Variants in PIK3AP1 observed in about 807,000 individuals in gnomAD.
PIK3AP1 encodes phosphoinositide-3-kinase adaptor protein 1, also known as phosphoinositide 3-kinase adapter protein 1.
Under a neutral mutation model 88.1 loss-of-function variants are expected in PIK3AP1, and 21 were observed. That is an observed-to-expected ratio of 0.24 (90% confidence interval 0.17 to 0.34). The LOEUF is 0.34. Among genes scored for constraint, PIK3AP1 ranks in the 10% least tolerant of loss-of-function variants. The pLI is 1.00. For missense variants in PIK3AP1, 828 were observed against 1,035.7 expected (o/e 0.80, Z 2.75); for synonymous variants, 398 against 400.0 (o/e 1.00, Z 0.06).
chr10:96,609,569 G>T, intron 14 of PIK3AP1, 143 bp downstream of exon 14: 2 of 849,286 alleles, frequency 2.4e-6, no homozygotes, highest in Non-Finnish European at 1.8e-6. Context: ...ACAGTAACTC[G>T]GCCCCACCTT....
chr10:96,658,195 C>T (rs753229342), intron 2 of PIK3AP1, among the ~76,000 whole-genome samples: 12 of 152,054 alleles, frequency 7.9e-5, no homozygotes, highest in East Asian at 3.8e-4. Context: ...TGAGGGAACC[C>T]GAGGACGAAT....
intron 3 of PIK3AP1, among the ~76,000 whole-genome samples, chr10:96,656,569 G>C (rs1843617634): frequency 6.6e-6 from 1 of 152,174 alleles, no homozygotes; most frequent in African/African-American, 2.4e-5. Flanking sequence ...CCATAGAACA[G>C]AAGTCTTAGA....
In PIK3AP1 at chr10:96,604,344, A is replaced by ATTT. The variant is rs66487275; in HGVS notation, c.2171-298_2171-296dup. Among the ~76,000 whole-genome samples, 243 of 77,120 alleles carry ATTT rather than the reference A, an allele frequency of 3.2e-3. 11 individuals carry two copies. Among genetic ancestry groups the ATTT allele is most frequent in the African/African-American group, 9.8e-3 (194 of 19,804 alleles). The allele number at this position is 77,120 out of a possible 152,430, so 50.6% of individuals were successfully genotyped here. A position where few individuals can be genotyped will look rare whatever the true frequency, so the allele number is the denominator to read the frequency against. On this transcript the variant is annotated intron_variant, in intron 14 of 16. Coordinates refer to ENST00000339364, the MANE Select transcript of PIK3AP1 (RefSeq NM_152309.3). ...AGGTGTGTGCCACCACACCTAGCCA[A>ATTT]TTTTTTTTTTTTTTTTTTTTTTTTT...
chr10:96,645,730 G>GA, intron 7 of PIK3AP1, 68 bp from the exon 8 acceptor site: 1 of 1,392,030 alleles, frequency 7.2e-7, no homozygotes, highest in South Asian at 1.4e-5. Context: ...CTTGGCCCCC[G>GA]AAGGCACTTG....
chr10:96,640,458 A>G (rs1018186360), intron 8 of PIK3AP1, among the ~76,000 whole-genome samples: 5 of 152,142 alleles, frequency 3.3e-5, no homozygotes, highest in African/African-American at 1.2e-4. Flanking sequence ...AGGTCCAGGG[A>G]CCACCAGGAC....
At chr10:96,628,539 A>G (rs1325355919) in intron 8 of PIK3AP1, 46 bp from the exon 9 acceptor site, 1 of 1,454,238 alleles carries the variant, frequency 6.9e-7, no homozygotes, top group African/African-American at 1.4e-5. Flanking sequence ...TCTCCTCCAC[A>G]GGCAAGGAGA....
chr10:96,658,769 G>A (rs1231176637), intron 2 of PIK3AP1, among the ~76,000 whole-genome samples: 1 of 151,924 alleles, frequency 6.6e-6, no homozygotes, highest in East Asian at 1.9e-4. Flanking sequence ...AATGCTGCCA[G>A]ATCTTTGTCC....
At chr10:96,702,609 T>C (rs1223351054) in intron 2 of PIK3AP1, among the ~76,000 whole-genome samples, 1 of 131,512 alleles carries the variant, frequency 7.6e-6, no homozygotes, top group Non-Finnish European at 1.6e-5. Flanking sequence ...CTTTAAGTGT[T>C]CTCACCACAC....
intron 2 of PIK3AP1, among the ~76,000 whole-genome samples, chr10:96,666,054 C>T (rs1025927772): frequency 6.6e-6 from 1 of 152,106 alleles, no homozygotes; most frequent in African/African-American, 2.4e-5. Context: ...ATTTGTTTTG[C>T]TTTCGGAGTT....
chr10:96,667,024 C>T (rs908658768), intron 2 of PIK3AP1, among the ~76,000 whole-genome samples: 1 of 152,214 alleles, frequency 6.6e-6, no homozygotes, highest in Non-Finnish European at 1.5e-5. Flanking sequence ...AAAGGTGCTG[C>T]CTTGTTCCGA....
intron 15 of PIK3AP1, 130 bp downstream of exon 15, chr10:96,603,849 T>C: frequency 1.1e-6 from 1 of 873,228 alleles, no homozygotes; most frequent in Non-Finnish European, 1.7e-6. Flanking sequence ...TTGCCCACTC[T>C]GGCATTTCAT....
In PIK3AP1 at chr10:96,595,549, T is replaced by G; in HGVS notation, c.*28A>C. 1.2e-6 allele frequency: 2 copies of G among 1,606,916 alleles called. No individual in the cohort carries two copies. Among genetic ancestry groups the G allele is most frequent in the Non-Finnish European group, 1.7e-6 (2 of 1,174,010 alleles). Reference sequence around the variant, plus strand: ...CTGAAGACTGTGAGTCTTAAAGTCCTGAAGTAGGCAGGTTTTAGGAGGTGG... The same window carrying G: ...CTGAAGACTGTGAGTCTTAAAGTCCGGAAGTAGGCAGGTTTTAGGAGGTGG... On this transcript the variant is annotated 3_prime_UTR_variant, in exon 17 of 17. Transcript: ENST00000339364.
At chr10:96,661,145 C>T (rs1456495122) in intron 2 of PIK3AP1, among the ~76,000 whole-genome samples, 1 of 151,662 alleles carries the variant, frequency 6.6e-6, no homozygotes, top group Admixed American at 6.6e-5. Context: ...GCTGAGATTG[C>T]GCCACTGCAC....
Position 96,616,728 on chromosome 10 carries a change from T to C in PIK3AP1, c.1942-17A>G. ...AAGATTTTCCTGGAAAAAAATTTGGTTTATTTTTTAAGTGTACAACAGGAT... is the reference window on the plus strand; with the variant it reads ...AAGATTTTCCTGGAAAAAAATTTGGCTTATTTTTTAAGTGTACAACAGGAT... On this transcript the variant is annotated splice_polypyrimidine_tract_variant and intron_variant, in intron 12 of 16. Transcript: ENST00000339364. 2 of 1,612,564 alleles carry C rather than the reference T, an allele frequency of 1.2e-6. No homozygotes were observed. Among genetic ancestry groups the C allele is most frequent in the East Asian group, 2.2e-5 (1 of 44,886 alleles).
chr10:96,699,736 G>T (rs1044282133), intron 2 of PIK3AP1, among the ~76,000 whole-genome samples: 1 of 152,190 alleles, frequency 6.6e-6, no homozygotes, highest in Non-Finnish European at 1.5e-5. Flanking sequence ...CCCTCACCCT[G>T]ATCCTAGCCC....
intron 16 of PIK3AP1, among the ~76,000 whole-genome samples, chr10:96,597,228 A>G (rs1054830757): frequency 6.6e-6 from 1 of 151,988 alleles, no homozygotes; most frequent in African/African-American, 2.4e-5. Flanking sequence ...GAGCAAATTT[A>G]GCCTGCCCAC....
At chr10:96,620,234 C>T (rs960376601) in intron 12 of PIK3AP1, 118 bp downstream of exon 12, 14 of 1,071,674 alleles carry the variant, frequency 1.3e-5, no homozygotes, top group Non-Finnish European at 1.7e-5. Flanking sequence ...CTCAAACATT[C>T]GCAGGCACAG....
chr10:96,602,247 A>G, intron 16 of PIK3AP1, 33 bp downstream of exon 16: 1 of 1,512,876 alleles, frequency 6.6e-7, no homozygotes, highest in Non-Finnish European at 9.1e-7. Flanking sequence ...ATTCAGAGAT[A>G]AGGGAAAAAT....
chr10:96,597,125 A>C (rs979320793), intron 16 of PIK3AP1, among the ~76,000 whole-genome samples: 1 of 152,098 alleles, frequency 6.6e-6, no homozygotes, highest in Non-Finnish European at 1.5e-5. Flanking sequence ...ATACCATGAA[A>C]AAAAAAAGGA....
Sources: allele counts gnomAD v4.1 joint callset (sites outside exome capture counted in the v4.1 genomes callset), GRCh38; gene constraint gnomAD v4.1.1; transcripts MANE v1.5; gene names NCBI Gene and HGNC (gene_info 2026-07-23, HGNC 2026-07-21).